The following DIRAS3 variants were observed in gnomAD, a reference collection of about 807,000 sequenced individuals.
DIRAS3 encodes the protein GTP-binding protein Di-Ras3.
For synonymous variants in DIRAS3, 133 were observed against 131.4 expected (o/e 1.01, Z -0.08); for missense variants, 248 against 300.6 (o/e 0.83, Z 1.29).
intron 1 of DIRAS3, among the ~76,000 whole-genome samples, chr1:68,048,372 G>A (rs1222722845): frequency 3.3e-5 from 5 of 152,082 alleles, no homozygotes; most frequent in African/African-American, 1.2e-4. Flanking sequence ...TCCTAGGTCA[G>A]ATGGAAAAAG....
intron 1 of DIRAS3, among the ~76,000 whole-genome samples, chr1:68,048,361 A>G (rs1405186843): frequency 6.6e-6 from 1 of 152,100 alleles, no homozygotes; most frequent in Non-Finnish European, 1.5e-5. Context: ...CTTCAGAAGC[A>G]TCCTAGGTCA....
At chr1:68,048,924 G>A (rs1645706238) in intron 1 of DIRAS3, among the ~76,000 whole-genome samples, 1 of 151,726 alleles carries the variant, frequency 6.6e-6, no homozygotes, top group African/African-American at 2.4e-5. Context: ...ATTTTTTGTA[G>A]GGACAGGGTT....
chr1:68,047,625 T>C (rs1570738217), intron 1 of DIRAS3, among the ~76,000 whole-genome samples: 2 of 152,176 alleles, frequency 1.3e-5, no homozygotes, highest in East Asian at 3.9e-4. Context: ...TTTGTTTTCT[T>C]TCCTTAAACT....
In DIRAS3 at chr1:68,046,253, A is replaced by C. The variant is rs72934640; in HGVS notation, c.*355T>G. 2.8e-3 allele frequency: 526 copies of C among 188,584 alleles called. 1 individual carries two copies. Among genetic ancestry groups the C allele is most frequent in the African/African-American group, 0.012 (505 of 42,384 alleles). The allele number at this position is 188,584 out of a possible 1,614,324, so 11.7% of individuals were successfully genotyped here. On this transcript the variant is annotated 3_prime_UTR_variant, in exon 2 of 2. Transcript: ENST00000646789. ...TACAGGATGTGAAATATTTAAAGGT[A>C]ATACACAATAATCGGGTTACCAAAA... is the stretch of plus-strand genomic sequence containing the variant.
rs1285442964 is a variant in DIRAS3 at position 68,046,736 on chromosome 1, C to T, written c.562G>A (p.Val188Met). 1.2e-6 allele frequency: 2 copies of T among 1,614,188 alleles called. No individual in the cohort carries two copies. The highest frequency in any genetic ancestry group is 1.1e-5 in the South Asian group (1 of 91,086). ...MEISAKTDVN[V>M]QELFHMLLNY... ...AGCAGCATGTGGAACAGCTCCTGCA[C>T]ATTCACATCGGTCTTGGCTGAAATC... is the stretch of plus-strand genomic sequence containing the variant. Residue 188 changes from valine (V) to methionine (M), a missense_variant, in exon 2 of 2, where the codon GTG becomes ATG. Val to Met is a conservative substitution (Grantham distance 21, BLOSUM62 1). Coordinates refer to ENST00000646789, the MANE Select transcript of DIRAS3 (RefSeq NM_004675.5).
Position 68,047,041 on chromosome 1 carries a change from G to A in DIRAS3, c.257C>T (p.Ser86Phe), listed in dbSNP as rs1341907292. ...ACTCTTGCTGTCGGTGATGTGCAGG[G>A]AAAGCACACCGTGGCTGCAGCCCAG... is the stretch of plus-strand genomic sequence containing the variant. ...QLLGCSHGVL[S>F]LHITDSKSGD... is the part of the protein sequence containing the mutation. Residue 86 changes from serine to phenylalanine, a missense_variant, in exon 2 of 2, where the codon TCC (serine) becomes TTC (phenylalanine). Physicochemically the swap from Ser to Phe is radical, Grantham distance 155 (BLOSUM62 -2). Coordinates refer to ENST00000646789, the MANE Select transcript of DIRAS3 (RefSeq NM_004675.5). 1 of 1,614,218 alleles carries A rather than the reference G, an allele frequency of 6.2e-7. No individual in the cohort carries two copies. The highest frequency in any genetic ancestry group is 1.7e-5 in the Admixed American group (1 of 60,032).
rs1238163023 is a variant in DIRAS3 at position 68,047,158 on chromosome 1, C to G, written c.140G>C (p.Gly47Ala). 5.6e-6 allele frequency: 9 copies of G among 1,614,080 alleles called. No individual in the cohort carries two copies. The highest frequency in any genetic ancestry group is 7.6e-6 in the Non-Finnish European group (9 of 1,180,044). ...DYRVVVVGTA[G>A]VGKSTLLHKW... ...GTGCAGCAGCGTACTTTTCCCCACACCAGCGGTGCCGACTACCACGACGCG... is the reference window on the plus strand; with the variant it reads ...GTGCAGCAGCGTACTTTTCCCCACAGCAGCGGTGCCGACTACCACGACGCG... Residue 47 changes from glycine (G) to alanine (A), a missense_variant, in exon 2 of 2, where the codon GGT (glycine) becomes GCT (alanine). Coordinates refer to ENST00000646789, the MANE Select transcript of DIRAS3 (RefSeq NM_004675.5).
At chr1:68,047,752 T>C (rs1479490962) in intron 1 of DIRAS3, among the ~76,000 whole-genome samples, 2 of 151,752 alleles carry the variant, frequency 1.3e-5, no homozygotes, top group African/African-American at 2.4e-5. Context: ...GAGGGAATTT[T>C]CCCCACTCTA....
At chr1:68,048,153 A>G (rs1645698452) in intron 1 of DIRAS3, among the ~76,000 whole-genome samples, 1 of 140,776 alleles carries the variant, frequency 7.1e-6, no homozygotes, top group Non-Finnish European at 1.5e-5. Context: ...TTTTCTACAG[A>G]ACAGTGGTTT....
Position 68,050,527 on chromosome 1 carries a change from A to C in DIRAS3, c.-66+21T>G, listed in dbSNP as rs1259687746. On this transcript the variant is annotated intron_variant, in intron 1 of 1. Coordinates refer to ENST00000646789, the MANE Select transcript of DIRAS3 (RefSeq NM_004675.5). This position sits in a 1 kb window ranked among gnomAD's most constrained non-coding sequence, Gnocchi z 4.5. ...ACTTGTTGTTTTCAAGTACCCCTAA[A>C]AAAGCGAAAGAAAGACTTACCTTTC... is the stretch of plus-strand genomic sequence containing the variant. 1 of 152,142 alleles carries C rather than the reference A, an allele frequency of 6.6e-6. No individual in the cohort carries two copies. The highest frequency in any genetic ancestry group is 1.5e-5 in the Non-Finnish European group (1 of 68,038). 9.4% of individuals were successfully genotyped at this position (152,142 alleles called of 1,614,324 possible). A position where few individuals can be genotyped will look rare whatever the true frequency, so the allele number is the denominator to read the frequency against.
intron 1 of DIRAS3, among the ~76,000 whole-genome samples, chr1:68,047,602 A>G (rs1374641142): frequency 2.6e-5 from 4 of 152,162 alleles, no homozygotes; most frequent in Non-Finnish European, 5.9e-5. Flanking sequence ...TAGAAAGTGC[A>G]GCAATACTAC....
rs943243890 is a variant in DIRAS3 at position 68,050,066 on chromosome 1, A to T, written c.-66+482T>A. On this transcript the variant is annotated intron_variant, in intron 1 of 1. Coordinates refer to ENST00000646789, the MANE Select transcript of DIRAS3 (RefSeq NM_004675.5). The surrounding 1 kb of genome is among the most constrained non-coding windows in gnomAD (Gnocchi z 4.5). Reference sequence around the variant, plus strand: ...CAGGAACCAGAGGGCGTCCAAACCCAGCGGCCGTGCGGAGCTCAAGGTCCC... The same window carrying T: ...CAGGAACCAGAGGGCGTCCAAACCCTGCGGCCGTGCGGAGCTCAAGGTCCC... 6.8e-6 allele frequency among the ~76,000 whole-genome samples: 1 copy of T among 147,120 alleles called. No individual in the cohort carries two copies. Among genetic ancestry groups the T allele is most frequent in the East Asian group, 2.2e-4 (1 of 4,634 alleles).
rs774906544 is a variant in DIRAS3 at position 68,046,699 on chromosome 1, T to C, written c.599A>G (p.Lys200Arg). 2 of 1,614,172 alleles carry C rather than the reference T, an allele frequency of 1.2e-6. No individual in the cohort carries two copies. Among genetic ancestry groups the C allele is most frequent in the Non-Finnish European group, 1.7e-6 (2 of 1,180,032 alleles). ...ELFHMLLNYKKKPTTGLQEPE... is the reference protein window; with the variant it reads ...ELFHMLLNYKRKPTTGLQEPE... The stretch of plus-strand genomic sequence containing the variant: ...CTCCTGGAGGCCGGTGGTGGGCTTT[T>C]TCTTGTAATTCAGCAGCATGTGGAA... Residue 200 changes from lysine (K) to arginine (R), a missense_variant, in exon 2 of 2, where the codon AAA (lysine) becomes AGA (arginine). Physicochemically the swap from Lys to Arg is conservative, Grantham distance 26 (BLOSUM62 2). Coordinates refer to ENST00000646789, the MANE Select transcript of DIRAS3 (RefSeq NM_004675.5).
In DIRAS3 at chr1:68,047,324, G is replaced by C. The variant is rs761311879; in HGVS notation, c.-27C>G. ...GTTGGGATTCGGAGGGGAGATACGT[G>C]CACAAGTTCTCCCACACTTAGCTGG... On this transcript the variant is annotated 5_prime_UTR_variant, in exon 2 of 2. Transcript: ENST00000646789. The C allele has an allele frequency of 2.1e-5, 33 of 1,594,930 alleles. No homozygotes were observed. The highest frequency in any genetic ancestry group is 2.4e-5 in the Non-Finnish European group (28 of 1,167,584).
rs529849148 is a variant in DIRAS3, at chr1:68,050,509, G to A, written c.-66+39C>T. On this transcript the variant is annotated intron_variant, in intron 1 of 1. Transcript: ENST00000646789. This position sits in a 1 kb window ranked among gnomAD's most constrained non-coding sequence, Gnocchi z 4.5. ...TCTGCTGCTTTGTCTGACACTTGTT[G>A]TTTTCAAGTACCCCTAAAAAAGCGA... 1 of 152,184 alleles carries A rather than the reference G, an allele frequency of 6.6e-6. No individual in the cohort carries two copies. The highest frequency in any genetic ancestry group is 1.9e-4 in the East Asian group (1 of 5,164). 9.4% of individuals were successfully genotyped at this position (152,184 alleles called of 1,614,324 possible). A position where few individuals can be genotyped will look rare whatever the true frequency, so the allele number is the denominator to read the frequency against.
Position 68,048,939 on chromosome 1 carries a change from T to C in DIRAS3, c.-65-1577A>G, listed in dbSNP as rs550051802. The stretch of plus-strand genomic sequence containing the variant: ...ATTTTTTGTAGGGACAGGGTTTTGC[T>C]ATGTTGTCCAGGCTGGTCTTGAACT... On this transcript the variant is annotated intron_variant, in intron 1 of 1. Coordinates refer to ENST00000646789, the MANE Select transcript of DIRAS3 (RefSeq NM_004675.5). 1.9e-3 allele frequency among the ~76,000 whole-genome samples: 282 copies of C among 152,110 alleles called. 1 individual carries two copies. Among genetic ancestry groups the C allele is most frequent in the African/African-American group, 6.7e-3 (276 of 41,488 alleles).
chr1:68,048,047 AAAAT>A (rs1645694868), intron 1 of DIRAS3, among the ~76,000 whole-genome samples: 2 of 20,172 alleles, frequency 9.9e-5, no homozygotes, highest in African/African-American at 2.1e-4. Context: ...AAAAAAAAAA[AAAAT>A]ATATATATAT....
intron 1 of DIRAS3, among the ~76,000 whole-genome samples, chr1:68,048,898 C>T (rs1328932099): frequency 6.6e-6 from 1 of 151,840 alleles, no homozygotes; most frequent in Non-Finnish European, 1.5e-5. Context: ...TGACACCATG[C>T]CCAGCTAATT....
At position 68,046,616 on chromosome 1, in the gene DIRAS3, T is replaced by C. The variant is rs773399133; in HGVS notation, c.682A>G (p.Ile228Val). ...TTEKLLDKCI[I>V]M ...CTCTTAAGGCCCAGGGCTCACATGA[T>C]TATGCACTTGTCAAGCAGCTTCTCA... Residue 228 changes from isoleucine (I) to valine (V), a missense_variant, in exon 2 of 2, where the codon ATC becomes GTC. Ile to Val is a conservative substitution (Grantham distance 29). Coordinates refer to ENST00000646789, the MANE Select transcript of DIRAS3 (RefSeq NM_004675.5). The C allele has an allele frequency of 1.9e-6, 3 of 1,613,634 alleles. No homozygotes were observed. The highest frequency in any genetic ancestry group is 2.5e-6 in the Non-Finnish European group (3 of 1,179,922).
Sources: allele counts gnomAD v4.1 joint callset (sites outside exome capture counted in the v4.1 genomes callset), GRCh38; gene constraint gnomAD v4.1.1; non-coding constraint Gnocchi (gnomAD v3.1); transcripts MANE v1.5; gene names NCBI Gene and HGNC (gene_info 2026-07-23, HGNC 2026-07-21).